Variants in NKAIN2 observed in about 807,000 individuals in gnomAD.
NKAIN2 encodes the protein sodium/potassium transporting ATPase interacting 2.
In NKAIN2, 14 loss-of-function variants were observed where a neutral mutation model predicts 32.6. The ratio of observed to expected loss-of-function variants is 0.43; its 90% CI spans 0.28 to 0.67. NKAIN2 has a LOEUF of 0.67. NKAIN2 is among the 30% of genes least tolerant of loss of function. The pLI is 0.17. For synonymous variants in NKAIN2, 80 were observed against 87.2 expected (o/e 0.92, Z 0.46); for missense variants, 198 against 258.3 (o/e 0.77, Z 1.60).
Position 124,559,087 on chromosome 6 carries a change from C to T in NKAIN2, c.274-99099C>T, listed in dbSNP as rs141618983. 7.7e-4 allele frequency among the ~76,000 whole-genome samples: 117 copies of T among 152,234 alleles called. 2 individuals are homozygous for T. In the East Asian group the frequency reaches 0.019, roughly 24 times the overall value. On this transcript the variant is annotated intron_variant, in intron 3 of 6. Transcript: ENST00000368417. ...GTATACCAGGTATAGATTCGTTTTC[C>T]TGTTTACTCCTCGTATTCTAATACA...
At chr6:123,948,936 G>A (rs111977228) in intron 1 of NKAIN2, among the ~76,000 whole-genome samples, 1,817 of 151,752 alleles carry the variant, frequency 0.012, 32 homozygotes, top group African/African-American at 0.042. Flanking sequence ...GTTGGTTTTC[G>A]GATATAGCAA....
At chr6:123,827,820 TA>T (rs5879701) in intron 1 of NKAIN2, among the ~76,000 whole-genome samples, 18,386 of 148,778 alleles carry the variant, frequency 0.12, 1,894 homozygotes, top group East Asian at 0.56. Context: ...TTGGCTCTGT[TA>T]AAAAAAAAAT....
chr6:124,163,450 C>T (rs1388999123), intron 1 of NKAIN2, among the ~76,000 whole-genome samples: 1 of 151,938 alleles, frequency 6.6e-6, no homozygotes, highest in African/African-American at 2.4e-5. Context: ...TGTGGAAATG[C>T]AGGCATTTTC....
intron 1 of NKAIN2, among the ~76,000 whole-genome samples, chr6:123,860,740 A>G (rs2130591): frequency 6.6e-6 from 1 of 152,032 alleles, no homozygotes; most frequent in African/African-American, 2.4e-5. Flanking sequence ...TACTGAATTT[A>G]TTGAAGCTTT....
chr6:124,349,048 T>A (rs562230456), intron 2 of NKAIN2, among the ~76,000 whole-genome samples: 10 of 152,164 alleles, frequency 6.6e-5, no homozygotes, highest in Non-Finnish European at 1.3e-4. Context: ...TTAGGAGTGA[T>A]TCTAACGTAG....
chr6:124,389,132 C>T (rs990172786), intron 3 of NKAIN2, among the ~76,000 whole-genome samples: 3 of 152,150 alleles, frequency 2.0e-5, no homozygotes, highest in Non-Finnish European at 4.4e-5. Flanking sequence ...CTTATAGGAA[C>T]CTAACACTGT....
intron 4 of NKAIN2, among the ~76,000 whole-genome samples, chr6:124,660,711 C>G (rs988760277): frequency 6.6e-6 from 1 of 152,116 alleles, no homozygotes; most frequent in Non-Finnish European, 1.5e-5. Context: ...TGTGGAACAC[C>G]AGAGTTAGCA....
intron 1 of NKAIN2, among the ~76,000 whole-genome samples, chr6:124,084,970 G>C (rs1488993428): frequency 6.6e-6 from 1 of 151,974 alleles, no homozygotes; most frequent in African/African-American, 2.4e-5. Context: ...TACTCAAAGA[G>C]CTTAAAATTT....
chr6:124,292,319 C>G (rs1795851787), intron 2 of NKAIN2, among the ~76,000 whole-genome samples: 1 of 152,038 alleles, frequency 6.6e-6, no homozygotes, highest in South Asian at 2.1e-4. Context: ...TTGCTTCATT[C>G]TGCTTATTAA....
At chr6:124,590,274 C>T (rs572042663) in intron 3 of NKAIN2, among the ~76,000 whole-genome samples, 2 of 152,262 alleles carry the variant, frequency 1.3e-5, no homozygotes, top group African/African-American at 4.8e-5. Context: ...AGTGTCAGGT[C>T]TGTGTTGTAA....
chr6:123,841,102 C>A (rs1157787667), intron 1 of NKAIN2, among the ~76,000 whole-genome samples: 1 of 152,090 alleles, frequency 6.6e-6, no homozygotes, highest in African/African-American at 2.4e-5. Context: ...TTATTCTATA[C>A]CTGCACTAAG....
At chr6:123,844,066 C>A (rs1774995710) in intron 1 of NKAIN2, among the ~76,000 whole-genome samples, 1 of 152,086 alleles carries the variant, frequency 6.6e-6, no homozygotes, top group Non-Finnish European at 1.5e-5. Flanking sequence ...AGGCCTCTGC[C>A]CTGCCCTTTT....
At chr6:124,811,639 C>T (rs538503825) in intron 5 of NKAIN2, among the ~76,000 whole-genome samples, 1 of 152,212 alleles carries the variant, frequency 6.6e-6, no homozygotes, top group Admixed American at 6.5e-5. Context: ...ACTGACCCTA[C>T]CCATAGGTCA....
At chr6:123,864,969 A>G (rs1022640448) in intron 1 of NKAIN2, among the ~76,000 whole-genome samples, 12 of 152,156 alleles carry the variant, frequency 7.9e-5, no homozygotes, top group Non-Finnish European at 1.3e-4. Context: ...TTGCATTTTT[A>G]TAGTCATCTG....
At chr6:124,157,763 G>A (rs990462013) in intron 1 of NKAIN2, among the ~76,000 whole-genome samples, 1 of 152,092 alleles carries the variant, frequency 6.6e-6, no homozygotes, top group Admixed American at 6.6e-5. Flanking sequence ...GATTGTTTAT[G>A]TTAATCTCAT....
At chr6:123,998,231 A>G (rs1360973575) in intron 1 of NKAIN2, among the ~76,000 whole-genome samples, 1 of 152,198 alleles carries the variant, frequency 6.6e-6, no homozygotes, top group Non-Finnish European at 1.5e-5. Flanking sequence ...TTTCTCAGTT[A>G]TATATTCTTT....
chr6:124,537,993 A>G (rs1779779068), intron 3 of NKAIN2, among the ~76,000 whole-genome samples: 1 of 152,118 alleles, frequency 6.6e-6, no homozygotes, highest in African/African-American at 2.4e-5. Flanking sequence ...GTGTGGAATG[A>G]TATCTCATTT....
chr6:124,115,030 G>A (rs1785544701), intron 1 of NKAIN2, among the ~76,000 whole-genome samples: 3 of 152,118 alleles, frequency 2.0e-5, no homozygotes, highest in African/African-American at 7.2e-5. Flanking sequence ...TTAAAAATGT[G>A]TGTGTGTATG....
At chr6:124,435,951 G>A (rs574569543) in intron 3 of NKAIN2, among the ~76,000 whole-genome samples, 5 of 152,004 alleles carry the variant, frequency 3.3e-5, no homozygotes, top group Admixed American at 6.5e-5. Flanking sequence ...TCTTTATAAC[G>A]TTTAAATTCA....
Sources: allele counts gnomAD v4.1 joint callset (sites outside exome capture counted in the v4.1 genomes callset), GRCh38; gene constraint gnomAD v4.1.1; transcripts MANE v1.5; gene names NCBI Gene and HGNC (gene_info 2026-07-23, HGNC 2026-07-21).